Variants in HABP4 observed in about 807,000 individuals in gnomAD.
The protein encoded by HABP4 is hyaluronan binding protein 4, also known as intracellular hyaluronan-binding protein 4.
A neutral mutation model predicts 44.1 loss-of-function variants in HABP4; 32 were observed. That is an observed-to-expected ratio of 0.73 (90% CI 0.55 to 0.97). The LOEUF (loss-of-function observed/expected upper bound fraction) is 0.97. Among genes scored for constraint, HABP4 ranks in the 50% least tolerant of loss-of-function variants. The probability of loss-of-function intolerance (pLI) is 0.00; values close to 1 mark genes in which losing one functional copy is unlikely to be tolerated. For missense variants in HABP4, 503 were observed against 561.9 expected, an observed-to-expected ratio of 0.90 and a Z score of 1.06; for synonymous variants, 216 against 218.0, an observed-to-expected ratio of 0.99 and a Z score of 0.08.
chr9:96,474,529 G>T (rs927097992), intron 5 of HABP4, among the ~76,000 whole-genome samples: 3 of 152,166 alleles, frequency 2.0e-5, no homozygotes, highest in African/African-American at 7.2e-5. Context: ...AGGAGAGCTA[G>T]CTGGAAAATC....
intron 4 of HABP4, among the ~76,000 whole-genome samples, chr9:96,466,308 T>C (rs1244084871): frequency 6.6e-6 from 1 of 152,008 alleles, no homozygotes; most frequent in Non-Finnish European, 1.5e-5. Flanking sequence ...AGGCAGAGGT[T>C]GCAGTGAGCC....
rs1832685678 is a variant in HABP4, at chr9:96,470,915, A to G, written c.744-96A>G. 10 of 837,980 alleles carry G rather than the reference A, an allele frequency of 1.2e-5. No individual in the cohort carries two copies. The Admixed American group carries it at 2.2e-4, about 19-fold the overall frequency. The allele number at this position is 837,980 out of a possible 1,614,324, so 51.9% of individuals were successfully genotyped here. A position where few individuals can be genotyped will look rare whatever the true frequency, so the allele number is the denominator to read the frequency against. On this transcript the variant is annotated intron_variant, in intron 4 of 7. Coordinates refer to ENST00000375249, the MANE Select transcript of HABP4 (RefSeq NM_014282.4). ...GTCTCAAAAAAAAAAAAAAAACCCAAAAAACCAAAAAAACAATGTTTTCTC... is the reference window on the plus strand; with the variant it reads ...GTCTCAAAAAAAAAAAAAAAACCCAGAAAACCAAAAAAACAATGTTTTCTC...
At chr9:96,484,374 T>G in intron 5 of HABP4, 88 bp from the exon 6 acceptor site, 2 of 625,718 alleles carry the variant, frequency 3.2e-6, no homozygotes, top group Non-Finnish European at 5.7e-6. Flanking sequence ...AAAAATATGT[T>G]GAATTAATGG....
At chr9:96,467,490 C>T (rs1832621926) in intron 4 of HABP4, among the ~76,000 whole-genome samples, 1 of 147,972 alleles carries the variant, frequency 6.8e-6, no homozygotes, top group African/African-American at 2.5e-5. Context: ...TTCTTTCTTT[C>T]TCTTTCTCTT....
At chr9:96,475,004 G>A (rs762561625) in intron 5 of HABP4, among the ~76,000 whole-genome samples, 7 of 152,122 alleles carry the variant, frequency 4.6e-5, no homozygotes, top group Non-Finnish European at 8.8e-5. Context: ...CATTACAGAA[G>A]TATTAACTGT....
chr9:96,460,191 T>C (rs1397134790), intron 2 of HABP4, among the ~76,000 whole-genome samples: 1 of 152,148 alleles, frequency 6.6e-6, no homozygotes, highest in African/African-American at 2.4e-5. Context: ...ATAATACATA[T>C]ATGGAAGAGT....
chr9:96,469,096 G>A (rs1263516742), intron 4 of HABP4, among the ~76,000 whole-genome samples: 1 of 152,206 alleles, frequency 6.6e-6, no homozygotes, highest in East Asian at 1.9e-4. Flanking sequence ...AGCCATTTCA[G>A]TAATACTGCT....
chr9:96,475,390 C>CAAAA (rs61553823), intron 5 of HABP4, among the ~76,000 whole-genome samples: 36 of 94,114 alleles, frequency 3.8e-4, no homozygotes, highest in African/African-American at 1.2e-3. Context: ...ACAACAACAA[C>CAAAA]AAAAAAAAAA....
At chr9:96,486,116 C>T (rs1050828301) in intron 6 of HABP4, among the ~76,000 whole-genome samples, 16 of 152,010 alleles carry the variant, frequency 1.1e-4, no homozygotes, top group Non-Finnish European at 1.9e-4. Flanking sequence ...CGCTTGAACC[C>T]GGGAAGCAGA....
At chr9:96,453,977 T>C (rs904821921) in intron 1 of HABP4, among the ~76,000 whole-genome samples, 1 of 152,166 alleles carries the variant, frequency 6.6e-6, no homozygotes, top group Non-Finnish European at 1.5e-5. Context: ...ATTATCTTTG[T>C]TTTGGGGGGT....
chr9:96,460,159 GA>G (rs1213907527), intron 2 of HABP4, among the ~76,000 whole-genome samples: 1 of 152,044 alleles, frequency 6.6e-6, no homozygotes, highest in African/African-American at 2.4e-5. Flanking sequence ...TATGTGACAT[GA>G]AAAAATAGCT....
intron 5 of HABP4, among the ~76,000 whole-genome samples, chr9:96,480,804 A>T (rs1331096787): frequency 6.6e-6 from 1 of 152,220 alleles, no homozygotes; most frequent in Non-Finnish European, 1.5e-5. Context: ...GTACTTGTGG[A>T]ATCCAAACTC....
chr9:96,480,324 T>C (rs1259902376), intron 5 of HABP4, among the ~76,000 whole-genome samples: 2 of 152,244 alleles, frequency 1.3e-5, no homozygotes, highest in Admixed American at 6.5e-5. Flanking sequence ...ATAGTCCTCA[T>C]TCCTTTTTTA....
upstream of HABP4, chr9:96,450,121 ACGG>A (rs1051068955): frequency 2.9e-6 from 2 of 682,184 alleles, no homozygotes; most frequent in Non-Finnish European, 1.9e-6. The surrounding 1 kb of genome is among the most constrained non-coding windows in gnomAD (Gnocchi z 4.8). Context: ...AGCGGGGCGG[ACGG>A]CGGCGGCGCC....
At chr9:96,484,945 TGTCTTGTACAATTCA>T (rs1832943967) in intron 6 of HABP4, among the ~76,000 whole-genome samples, 1 of 152,188 alleles carries the variant, frequency 6.6e-6, no homozygotes, top group Non-Finnish European at 1.5e-5. Context: ...TTACAGATTG[TGTCTTGTACAATTCA>T]GAGTTAATCA....
In HABP4 at chr9:96,478,164, ACT is replaced by A. The variant is rs1832813493; in HGVS notation, c.828-6295_828-6294del. On this transcript the variant is annotated intron_variant, in intron 5 of 7. Transcript: ENST00000375249. The stretch of plus-strand genomic sequence containing the variant: ...TTTTTTTTCTTTGAGACAGAGTCTC[ACT>A]CTGTCACCCAGGCTGGCGTGCAGTG... Among the ~76,000 whole-genome samples the A allele has an allele frequency of 2.0e-5, 3 of 151,394 alleles. No homozygotes were observed. In the South Asian group the frequency reaches 6.3e-4, roughly 32 times the overall value.
intron 4 of HABP4, among the ~76,000 whole-genome samples, chr9:96,467,420 T>G (rs1221598985): frequency 6.6e-6 from 1 of 152,142 alleles, no homozygotes; most frequent in East Asian, 1.9e-4. Context: ...CTTTTAATTT[T>G]GTTTTATTTT....
chr9:96,458,169 A>G (rs1022344246), intron 1 of HABP4, among the ~76,000 whole-genome samples: 1 of 152,254 alleles, frequency 6.6e-6, no homozygotes, highest in African/African-American at 2.4e-5. Context: ...ATATAGGGAA[A>G]GCATGATTTA....
chr9:96,451,552 A>G lies in HABP4; in HGVS notation c.349+924A>G, dbSNP rs1203952762. The G allele has an allele frequency of 3.8e-6, 3 of 783,134 alleles. No individual in the cohort carries two copies. The African/African-American group carries it at 5.6e-5, about 15-fold the overall frequency. 48.5% of individuals were successfully genotyped at this position (783,134 alleles called of 1,614,324 possible). A position where few individuals can be genotyped will look rare whatever the true frequency, so the allele number is the denominator to read the frequency against. ...CCTGCCGACGTTTGCCAGTGTGTTCAACTTGGCTTTATTGGTTTGTTCCTT... is the reference window on the plus strand; with the variant it reads ...CCTGCCGACGTTTGCCAGTGTGTTCGACTTGGCTTTATTGGTTTGTTCCTT... On this transcript the variant is annotated intron_variant, in intron 1 of 7. Coordinates refer to ENST00000375249, the MANE Select transcript of HABP4 (RefSeq NM_014282.4).
Sources: gnomAD v4.1 joint callset for allele counts (sites outside exome capture counted in the v4.1 genomes callset) on GRCh38, gnomAD v4.1.1 for gene constraint, Gnocchi (gnomAD v3.1) non-coding constraint, MANE v1.5 for transcripts, NCBI Gene and HGNC (gene_info 2026-07-23, HGNC 2026-07-21) for gene names.